RNF182: variants seen among roughly 807,000 people sequenced by gnomAD.
The protein encoded by RNF182 is ring finger protein 182.
A neutral mutation model predicts 14.4 loss-of-function variants in RNF182; 15 were observed. That is an observed-to-expected ratio of 1.04 (90% confidence interval 0.70 to 1.60). RNF182 has a LOEUF of 1.60. RNF182 is among the 40% of genes most tolerant of loss of function. The probability of loss-of-function intolerance (pLI) is 0.00; values close to 1 mark genes in which losing one functional copy is unlikely to be tolerated. For missense variants in RNF182, 268 were observed against 294.8 expected (o/e 0.91, Z 0.67); for synonymous variants, 128 against 122.9 (o/e 1.04, Z -0.27).
chr6:13,967,301 C>T (rs1760058458), intron 1 of RNF182, among the ~76,000 whole-genome samples: 2 of 152,174 alleles, frequency 1.3e-5, no homozygotes, highest in Non-Finnish European at 2.9e-5. Context: ...TAAGGAAAGA[C>T]ATTATATAAT....
intron 1 of RNF182, among the ~76,000 whole-genome samples, chr6:13,969,659 G>T (rs9396367): frequency 0.4 from 60,792 of 151,942 alleles, 13,437 homozygotes; most frequent in Middle Eastern, 0.5. Flanking sequence ...GAGTAAGATG[G>T]ATTTGAGTCT....
At chr6:13,954,961 T>A (rs979735111) in intron 1 of RNF182, among the ~76,000 whole-genome samples, 1 of 152,182 alleles carries the variant, frequency 6.6e-6, no homozygotes, top group African/African-American at 2.4e-5. Flanking sequence ...CTCCCTTTGT[T>A]GTGTGAAGCC....
chr6:13,958,422 A>C (rs1329810422), intron 1 of RNF182, among the ~76,000 whole-genome samples: 1 of 152,110 alleles, frequency 6.6e-6, no homozygotes, highest in Non-Finnish European at 1.5e-5. Flanking sequence ...ATAATCTGAA[A>C]GTCTACATTA....
chr6:13,928,538 C>T (rs1037805518), intron 1 of RNF182, among the ~76,000 whole-genome samples: 3 of 151,856 alleles, frequency 2.0e-5, no homozygotes, highest in Non-Finnish European at 2.9e-5. Flanking sequence ...TTTATATTTC[C>T]AGAGCTTATT....
At chr6:13,939,834 T>C (rs1413295647) in intron 1 of RNF182, among the ~76,000 whole-genome samples, 4 of 152,230 alleles carry the variant, frequency 2.6e-5, no homozygotes, top group African/African-American at 9.6e-5. Flanking sequence ...TGAGCCACTG[T>C]GCCCGGGCAT....
Position 13,977,754 on chromosome 6 carries a change from G to A in RNF182, c.635G>A (p.Gly212Glu), listed in dbSNP as rs1760375661. 6.2e-7 allele frequency: 1 copy of A among 1,613,910 alleles called. No homozygotes were observed. The highest frequency in any genetic ancestry group is 1.7e-5 in the Admixed American group (1 of 59,998). The change falls in exon 3 of 3, where the codon GGG (glycine) becomes GAG (glutamate). Residue 212 changes from glycine to glutamate, a missense_variant. Transcript: ENST00000488300. Reference protein sequence around the residue: ...YLLVSKKVTLGVVFVSLVPSS... With the variant: ...YLLVSKKVTLEVVFVSLVPSS... ...CTGGTGTCTAAGAAAGTCACCCTTG[G>A]GGTCGTCTTTGTCAGCCTGGTCCCT... is the stretch of plus-strand genomic sequence containing the variant.
At chr6:13,951,981 G>A (rs914748203) in intron 1 of RNF182, among the ~76,000 whole-genome samples, 5 of 152,172 alleles carry the variant, frequency 3.3e-5, no homozygotes, top group Non-Finnish European at 2.9e-5. Flanking sequence ...GCCCCTGCCT[G>A]TCATCTTTGA....
chr6:13,949,794 G>A (rs908507929), intron 1 of RNF182: 8 of 154,528 alleles, frequency 5.2e-5, no homozygotes, highest in East Asian at 1.9e-4. Context: ...CAGTGCCAAC[G>A]TTAAACTTAT....
chr6:13,942,376 CTG>C (rs1231926882), intron 1 of RNF182, among the ~76,000 whole-genome samples: 1 of 152,124 alleles, frequency 6.6e-6, no homozygotes, highest in Admixed American at 6.5e-5. Flanking sequence ...AAATCTTGCT[CTG>C]TGGCCCAGGC....
In RNF182 at chr6:13,978,171, A is replaced by G. The variant is rs1760392659; in HGVS notation, c.*308A>G. On this transcript the variant is annotated 3_prime_UTR_variant, in exon 3 of 3. Transcript: ENST00000488300. ...AGACGGCAGGGGTGTGGTGTGTTAT[A>G]CTATAGGGAGAGCATGGATCCCTCC... 1 of 271,620 alleles carries G rather than the reference A, an allele frequency of 3.7e-6. No homozygotes were observed. The highest frequency in any genetic ancestry group is 7.5e-6 in the Non-Finnish European group (1 of 133,404). The allele number at this position is 271,620 out of a possible 1,614,324, so 16.8% of individuals were successfully genotyped here. A position where few individuals can be genotyped will look rare whatever the true frequency, so the allele number is the denominator to read the frequency against.
Position 13,977,804 on chromosome 6 carries a change from T to C in RNF182, c.685T>C (p.Tyr229His), listed in dbSNP as rs1184886691. ...VPSSLVILMV[Y>H]GFCQCVCHEF... ...TTCGAGCCTCGTTATTCTTATGGTG[T>C]ATGGTTTTTGCCAGTGTGTTTGTCA... Residue 229 changes from tyrosine to histidine, a missense_variant, in exon 3 of 3, where the codon TAT (tyrosine) becomes CAT (histidine). Coordinates refer to ENST00000488300, the MANE Select transcript of RNF182 (RefSeq NM_152737.4). 1 of 1,614,046 alleles carries C rather than the reference T, an allele frequency of 6.2e-7. No individual in the cohort carries two copies. The highest frequency in any genetic ancestry group is 8.5e-7 in the Non-Finnish European group (1 of 1,180,008).
At chr6:13,939,431 T>G (rs1306696080) in intron 1 of RNF182, among the ~76,000 whole-genome samples, 1 of 152,136 alleles carries the variant, frequency 6.6e-6, no homozygotes, top group East Asian at 1.9e-4. Context: ...TTCATTAGAT[T>G]TGTTCTTTTT....
chr6:13,971,300 A>T (rs1312617876), intron 1 of RNF182, among the ~76,000 whole-genome samples: 2 of 152,060 alleles, frequency 1.3e-5, no homozygotes, highest in Admixed American at 1.3e-4. Context: ...TTCCCATTTT[A>T]CTTGGCATTC....
chr6:13,937,594 C>T (rs913489490), intron 1 of RNF182, among the ~76,000 whole-genome samples: 2 of 152,148 alleles, frequency 1.3e-5, no homozygotes, highest in Non-Finnish European at 2.9e-5. Context: ...TTGGGTTGTT[C>T]CCATTTCACC....
At chr6:13,958,170 G>A (rs1201535147) in intron 1 of RNF182, among the ~76,000 whole-genome samples, 6 of 152,008 alleles carry the variant, frequency 3.9e-5, no homozygotes, top group Non-Finnish European at 7.3e-5. Flanking sequence ...GGCAGATCAC[G>A]AGGTCAAGAG....
intron 1 of RNF182, among the ~76,000 whole-genome samples, chr6:13,930,588 T>C (rs1183657628): frequency 6.6e-6 from 1 of 152,200 alleles, no homozygotes; most frequent in Non-Finnish European, 1.5e-5. Context: ...ACTGTCTCCA[T>C]AGAAGAATGA....
intron 1 of RNF182, among the ~76,000 whole-genome samples, chr6:13,951,425 T>C (rs1475131167): frequency 2.6e-5 from 4 of 152,198 alleles, no homozygotes; most frequent in Non-Finnish European, 4.4e-5. Context: ...GAGTCTTATC[T>C]CTCAGTTGGG....
At chr6:13,958,301 G>A (rs916014078) in intron 1 of RNF182, among the ~76,000 whole-genome samples, 1 of 151,922 alleles carries the variant, frequency 6.6e-6, no homozygotes, top group African/African-American at 2.4e-5. Flanking sequence ...CAGGAGAATC[G>A]CCTGAACCCG....
chr6:13,977,705 T>A lies in RNF182; in HGVS notation c.586T>A (p.Ser196Thr). Residue 196 changes from serine to threonine, a missense_variant, in exon 3 of 3, where the codon TCC becomes ACC. Coordinates refer to ENST00000488300, the MANE Select transcript of RNF182 (RefSeq NM_152737.4). ...VWLLGLLYFS[S>T]LPLGIYLLVS... ...GTTGCTAGGTTTGCTCTACTTCAGC[T>A]CCTTACCCTTAGGAATCTACTTACT... is the stretch of plus-strand genomic sequence containing the variant. 1 of 1,614,170 alleles carries A rather than the reference T, an allele frequency of 6.2e-7. No homozygotes were observed. The highest frequency in any genetic ancestry group is 8.5e-7 in the Non-Finnish European group (1 of 1,180,018).
Sources: gnomAD v4.1 joint callset for allele counts (sites outside exome capture counted in the v4.1 genomes callset) on GRCh38, gnomAD v4.1.1 for gene constraint, MANE v1.5 for transcripts, NCBI Gene and HGNC (gene_info 2026-07-23, HGNC 2026-07-21) for gene names.